Variants in PNKD observed in about 807,000 individuals in gnomAD.
The protein encoded by PNKD is probable thioesterase PNKD.
A neutral mutation model predicts 45.3 loss-of-function variants in PNKD; 36 were observed. The observed-to-expected ratio is 0.80, with a 90% CI of 0.61 to 1.05. The LOEUF (loss-of-function observed/expected upper bound fraction) is 1.05. Among genes scored for constraint, PNKD ranks in the 50% least tolerant of loss-of-function variants. The probability of loss-of-function intolerance (pLI) is 0.00; values close to 1 mark genes in which losing one functional copy is unlikely to be tolerated. For missense variants in PNKD, 511 were observed against 506.6 expected (o/e 1.01, Z -0.08); for synonymous variants, 197 against 210.1 (o/e 0.94, Z 0.54).
At chr2:218,334,813 C>T (rs1694441552) in intron 2 of PNKD, 2 of 694,324 alleles carry the variant, frequency 2.9e-6, no homozygotes, top group Admixed American at 4.1e-5. Context: ...TTTCTATGGC[C>T]TTTATAATTA....
intron 2 of PNKD, among the ~76,000 whole-genome samples, chr2:218,294,506 T>C (rs912231704): frequency 6.6e-6 from 1 of 152,156 alleles, no homozygotes; most frequent in Non-Finnish European, 1.5e-5. Context: ...GCCTTCCTTT[T>C]TTTTGAGATG....
Position 218,344,497 on chromosome 2 carries a change from T to C in PNKD, c.911T>C (p.Val304Ala). Reference sequence around the variant, plus strand: ...GAGAACCTGGGCTTTGCAGGTGTGGTGGAGCCCGAGAACCTGGCCCGGGAG... The same window carrying C: ...GAGAACCTGGGCTTTGCAGGTGTGGCGGAGCCCGAGAACCTGGCCCGGGAG... The part of the protein sequence containing the change: ...AEENLGFAGV[V>A]EPENLARERK... Residue 304 changes from valine to alanine, a missense_variant, in exon 9 of 10, where the codon GTG (valine) becomes GCG (alanine). By Grantham distance (64) the Val-to-Ala change is moderately conservative. Coordinates refer to ENST00000273077, the MANE Select transcript of PNKD (RefSeq NM_015488.5). 6.3e-7 allele frequency: 1 copy of C among 1,590,736 alleles called. No individual in the cohort carries two copies. The highest frequency in any genetic ancestry group is 1.1e-5 in the South Asian group (1 of 87,534).
chr2:218,317,992 T>C, intron 2 of PNKD: 1 of 152,600 alleles, frequency 6.6e-6, no homozygotes, highest in Non-Finnish European at 1.5e-5. Context: ...TGTTTCGTCA[T>C]CATCACCATC....
intron 2 of PNKD, among the ~76,000 whole-genome samples, chr2:218,309,711 C>A (rs1203680921): frequency 6.6e-6 from 1 of 151,558 alleles, no homozygotes; most frequent in African/African-American, 2.4e-5. Context: ...GTGGGAGGAT[C>A]ATTTGACGTC....
In PNKD at chr2:218,340,388, G is replaced by A. The variant is rs1209798118; in HGVS notation, c.465+247G>A. On this transcript the variant is annotated intron_variant, in intron 4 of 9. Transcript: ENST00000273077. The surrounding 1 kb of genome is among the most constrained non-coding windows in gnomAD (Gnocchi z 4.2). Reference sequence around the variant, plus strand: ...CTGGGGGTGTTGGCCCAGGACTCTGGGTCTAGTGAGTTTCCAGGCTGGCTT... The same window carrying A: ...CTGGGGGTGTTGGCCCAGGACTCTGAGTCTAGTGAGTTTCCAGGCTGGCTT... 6.6e-6 allele frequency among the ~76,000 whole-genome samples: 1 copy of A among 151,866 alleles called. No individual in the cohort carries two copies. Among genetic ancestry groups the A allele is most frequent in the African/African-American group, 2.4e-5 (1 of 41,336 alleles).
Position 218,342,003 on chromosome 2 carries a change from G to T in PNKD, c.640G>T (p.Val214Phe). The T allele has an allele frequency of 6.2e-7, 1 of 1,613,794 alleles. No homozygotes were observed. The highest frequency in any genetic ancestry group is 8.5e-7 in the Non-Finnish European group (1 of 1,179,660). ...CAGTCCCCTGTGTCATCAAGATGTG[G>T]TCAGCGTGGGACGGCTTCAGATCCG... is the stretch of plus-strand genomic sequence containing the variant. ...LTHPLCHQDV[V>F]SVGRLQIRAL... The change falls in exon 7 of 10, where the codon GTC becomes TTC. Residue 214 changes from valine (V) to phenylalanine (F), a missense_variant. Physicochemically the swap from Val to Phe is conservative, Grantham distance 50. Coordinates refer to ENST00000273077, the MANE Select transcript of PNKD (RefSeq NM_015488.5).
In PNKD at chr2:218,340,632, C is replaced by G; in HGVS notation, c.466-96C>G. On this transcript the variant is annotated intron_variant, in intron 4 of 9. Transcript: ENST00000273077. The surrounding 1 kb of genome is among the most constrained non-coding windows in gnomAD (Gnocchi z 4.2). ...CTCTGCTTCATCTCTCCATGCTCTCCTCTCCTCTCCACCAGCGCCCACACT... is the reference window on the plus strand; with the variant it reads ...CTCTGCTTCATCTCTCCATGCTCTCGTCTCCTCTCCACCAGCGCCCACACT... 1.1e-6 allele frequency: 1 copy of G among 875,154 alleles called. No homozygotes were observed. The highest frequency in any genetic ancestry group is 2.0e-6 in the Non-Finnish European group (1 of 508,562). 54.2% of individuals were successfully genotyped at this position (875,154 alleles called of 1,614,324 possible).
rs201802667 is a variant in PNKD, at chr2:218,342,157, G to C, written c.781+13G>C. ...CTCTCTGGCTGTGGTGAGTTTCCCCGAAAGAGAGAGGAGCTGGGAGAGGAG... is the reference window on the plus strand; with the variant it reads ...CTCTCTGGCTGTGGTGAGTTTCCCCCAAAGAGAGAGGAGCTGGGAGAGGAG... On this transcript the variant is annotated intron_variant, in intron 7 of 9. Transcript: ENST00000273077. 1 of 1,610,158 alleles carries C rather than the reference G, an allele frequency of 6.2e-7. No individual in the cohort carries two copies. The highest frequency in any genetic ancestry group is 8.5e-7 in the Non-Finnish European group (1 of 1,178,992).
chr2:218,276,110 A>C (rs1042924653), intron 2 of PNKD: 3 of 1,608,194 alleles, frequency 1.9e-6, no homozygotes, highest in Admixed American at 3.4e-5. Context: ...GAATGGCATT[A>C]GAAACCTCAG....
At chr2:218,335,942 C>A (rs1411695131) in intron 2 of PNKD, among the ~76,000 whole-genome samples, 4 of 152,040 alleles carry the variant, frequency 2.6e-5, no homozygotes, top group African/African-American at 9.7e-5. Context: ...GTCAGCCAGG[C>A]GTGGTGGCTC....
chr2:218,299,415 T>G (rs1164696922), intron 2 of PNKD, among the ~76,000 whole-genome samples: 1 of 152,060 alleles, frequency 6.6e-6, no homozygotes, highest in Non-Finnish European at 1.5e-5. Flanking sequence ...GTGCTGGGAT[T>G]ACAGGCGTGA....
At chr2:218,272,120 C>A (rs1466109153) in intron 2 of PNKD, among the ~76,000 whole-genome samples, 1 of 152,180 alleles carries the variant, frequency 6.6e-6, no homozygotes, top group African/African-American at 2.4e-5. Flanking sequence ...ACTCCATGCT[C>A]TTTCCCCCAT....
At chr2:218,324,171 T>A (rs986400527) in intron 2 of PNKD, among the ~76,000 whole-genome samples, 1 of 152,164 alleles carries the variant, frequency 6.6e-6, no homozygotes, top group Non-Finnish European at 1.5e-5. Flanking sequence ...GCAAGCACTG[T>A]TCAGCCCCAG....
rs192044005 is a variant in PNKD at position 218,343,711 on chromosome 2, C to A, written c.868+125C>A. The A allele has an allele frequency of 5.8e-4, 423 of 730,960 alleles. 1 individual carries two copies. The African/African-American group carries it at 6.8e-3, about 12-fold the overall frequency. The allele number at this position is 730,960 out of a possible 1,614,324, so 45.3% of individuals were successfully genotyped here. On this transcript the variant is annotated intron_variant, in intron 8 of 9. Coordinates refer to ENST00000273077, the MANE Select transcript of PNKD (RefSeq NM_015488.5). ...AGTTCCTGGCCCAGAAGCGACACAG[C>A]TCCACCTCTAGGGGTAGGGACAGAG...
intron 7 of PNKD, among the ~76,000 whole-genome samples, chr2:218,343,248 G>T (rs1694734096): frequency 6.6e-6 from 1 of 152,234 alleles, no homozygotes; most frequent in East Asian, 1.9e-4. Context: ...GCAGCCCGAA[G>T]ATTCCACAGC....
intron 2 of PNKD, among the ~76,000 whole-genome samples, chr2:218,276,825 G>C (rs1287542435): frequency 1.3e-5 from 2 of 152,156 alleles, no homozygotes; most frequent in African/African-American, 4.8e-5. Flanking sequence ...TCTCCACACA[G>C]AGAGTCTACC....
At chr2:218,334,266 C>G (rs947566806) in intron 2 of PNKD, among the ~76,000 whole-genome samples, 1 of 152,024 alleles carries the variant, frequency 6.6e-6, no homozygotes. Context: ...AACATCAATA[C>G]TATCCTATGA....
chr2:218,305,028 G>A lies in PNKD; in HGVS notation c.236+33479G>A, dbSNP rs555629968. On this transcript the variant is annotated intron_variant, in intron 2 of 9. Transcript: ENST00000273077. ...GTAGAGGTTGCAGTGAGCTGAGATC[G>A]CGCCACTGCACTCCAGCCTGGGTGA... is the stretch of plus-strand genomic sequence containing the variant. Among the ~76,000 whole-genome samples, 10 of 152,032 alleles carry A rather than the reference G, an allele frequency of 6.6e-5. No homozygotes were observed. The East Asian group carries it at 1.6e-3, about 24-fold the overall frequency.
Position 218,279,577 on chromosome 2 carries a change from G to A in PNKD, c.236+8028G>A, listed in dbSNP as rs752884720. 13 of 517,580 alleles carry A rather than the reference G, an allele frequency of 2.5e-5. 1 individual carries two copies. In the South Asian group the frequency reaches 2.7e-4, roughly 11 times the overall value. The allele number at this position is 517,580 out of a possible 1,614,324, so 32.1% of individuals were successfully genotyped here. On this transcript the variant is annotated intron_variant, in intron 2 of 9. Coordinates refer to ENST00000273077, the MANE Select transcript of PNKD (RefSeq NM_015488.5). Reference sequence around the variant, plus strand: ...TCCCCTCCTGTCCAACACCAGCCTCGGTGACTACTGACTTGCCCTGCCTGG... The same window carrying A: ...TCCCCTCCTGTCCAACACCAGCCTCAGTGACTACTGACTTGCCCTGCCTGG...
Sources: allele counts gnomAD v4.1 joint callset (sites outside exome capture counted in the v4.1 genomes callset), GRCh38; gene constraint gnomAD v4.1.1; non-coding constraint Gnocchi (gnomAD v3.1); transcripts MANE v1.5; gene names NCBI Gene and HGNC (gene_info 2026-07-23, HGNC 2026-07-21).